The following GRID1 variants were observed in gnomAD, a reference collection of about 807,000 sequenced individuals.
GRID1 encodes the protein glutamate receptor ionotropic, delta-1.
In GRID1, 28 loss-of-function variants were observed where a neutral mutation model predicts 98.0. The ratio of observed to expected loss-of-function variants is 0.29; its 90% CI spans 0.21 to 0.39. GRID1 has a LOEUF of 0.39. GRID1 is among the 10% of genes least tolerant of loss of function. The pLI, the probability that GRID1 is intolerant of heterozygous loss-of-function variation, is 1.00. For missense variants in GRID1, 1,111 were observed against 1,340.5 expected (o/e 0.83, Z 2.67); for synonymous variants, 553 against 538.5 (o/e 1.03, Z -0.37).
chr10:85,883,138 C>T (rs937532198), intron 5 of GRID1, among the ~76,000 whole-genome samples: 5 of 151,832 alleles, frequency 3.3e-5, no homozygotes, highest in African/African-American at 4.8e-5. Flanking sequence ...TTCTCTAGGC[C>T]TCATTCTAAA....
chr10:85,893,858 C>T (rs988099873), intron 5 of GRID1, among the ~76,000 whole-genome samples: 3 of 152,150 alleles, frequency 2.0e-5, no homozygotes, highest in Admixed American at 6.5e-5. Flanking sequence ...TTCTAAAATG[C>T]GTATGGAAAT....
intron 8 of GRID1, among the ~76,000 whole-genome samples, chr10:85,829,126 T>TA (rs1177441143): frequency 6.6e-6 from 1 of 152,108 alleles, no homozygotes; most frequent in African/African-American, 2.4e-5. Flanking sequence ...GGGTAGGCTT[T>TA]ATCTCTGGGA....
rs577018401 is a variant in GRID1, at chr10:85,880,741, C to T, written c.781-11561G>A. The stretch of plus-strand genomic sequence containing the variant: ...ACAGGGATGCCCCCTCTCACCACTC[C>T]TATTCAACATAGTGTTGGAAGTTCT... On this transcript the variant is annotated intron_variant, in intron 5 of 15. Transcript: ENST00000327946. 6.1e-3 allele frequency among the ~76,000 whole-genome samples: 930 copies of T among 152,180 alleles called. 4 individuals are homozygous for T. Among genetic ancestry groups the T allele is most frequent in the Non-Finnish European group, 9.0e-3 (611 of 68,020 alleles).
intron 2 of GRID1, among the ~76,000 whole-genome samples, chr10:86,213,976 C>T (rs1261377044): frequency 2.0e-5 from 3 of 152,148 alleles, no homozygotes; most frequent in East Asian, 1.9e-4. Context: ...TTGAGCCTGT[C>T]GACTTTCCTC....
chr10:85,882,611 C>T (rs1023416671), intron 5 of GRID1, among the ~76,000 whole-genome samples: 7 of 151,950 alleles, frequency 4.6e-5, no homozygotes, highest in Admixed American at 2.0e-4. Flanking sequence ...ATCACACTCC[C>T]GGAACTGTTG....
At chr10:85,904,092 G>C (rs1050292771) in intron 5 of GRID1, among the ~76,000 whole-genome samples, 3 of 152,168 alleles carry the variant, frequency 2.0e-5, no homozygotes, top group Admixed American at 2.0e-4. Context: ...CTGGTCATCT[G>C]TCTTGCCCCA....
intron 2 of GRID1, among the ~76,000 whole-genome samples, chr10:86,253,413 C>T (rs1000194243): frequency 6.6e-6 from 1 of 152,234 alleles, no homozygotes; most frequent in Non-Finnish European, 1.5e-5. Context: ...TGAAATGTGC[C>T]TCCTGAATGT....
At chr10:85,837,604 C>G (rs970213773) in intron 8 of GRID1, among the ~76,000 whole-genome samples, 3 of 151,474 alleles carry the variant, frequency 2.0e-5, no homozygotes, top group African/African-American at 7.3e-5. Flanking sequence ...ATACTACAAT[C>G]AAGTCCTCAG....
intron 2 of GRID1, among the ~76,000 whole-genome samples, chr10:86,282,464 C>T (rs2132068835): frequency 6.6e-6 from 1 of 152,282 alleles, no homozygotes; most frequent in East Asian, 1.9e-4. Context: ...CCTGTCCTCA[C>T]AGGGGATCCG....
At chr10:85,704,316 A>C (rs900697810) in intron 12 of GRID1, among the ~76,000 whole-genome samples, 1 of 152,190 alleles carries the variant, frequency 6.6e-6, no homozygotes, top group Non-Finnish European at 1.5e-5. Context: ...AGGGGTTGCA[A>C]TCCTAGTCTC....
At chr10:85,795,888 T>C (rs945303090) in intron 8 of GRID1, among the ~76,000 whole-genome samples, 1 of 152,098 alleles carries the variant, frequency 6.6e-6, no homozygotes, top group Non-Finnish European at 1.5e-5. Context: ...GAAACTGTTA[T>C]GAAGAACTGA....
chr10:86,357,974 T>C (rs1479515042), intron 2 of GRID1, among the ~76,000 whole-genome samples: 4 of 152,144 alleles, frequency 2.6e-5, no homozygotes, highest in Non-Finnish European at 5.9e-5. Context: ...AACAACCTGC[T>C]CAGGCAGAAA....
intron 4 of GRID1, among the ~76,000 whole-genome samples, chr10:86,088,014 C>T (rs1382300883): frequency 6.6e-6 from 1 of 152,228 alleles, no homozygotes; most frequent in Non-Finnish European, 1.5e-5. Context: ...CCTCTGTCCT[C>T]GCCAACAACC....
At chr10:86,163,466 G>A (rs1365334707) in intron 3 of GRID1, among the ~76,000 whole-genome samples, 3 of 151,304 alleles carry the variant, frequency 2.0e-5, no homozygotes, top group African/African-American at 7.3e-5. Context: ...ACAATGTGCA[G>A]GTTTGCTACA....
intron 4 of GRID1, among the ~76,000 whole-genome samples, chr10:85,958,103 C>A (rs998142165): frequency 2.0e-5 from 3 of 152,238 alleles, no homozygotes; most frequent in Non-Finnish European, 4.4e-5. Flanking sequence ...CCTCTAGAAA[C>A]CCCTCTGACC....
chr10:85,671,460 G>A (rs1841084225), intron 12 of GRID1, among the ~76,000 whole-genome samples: 1 of 152,020 alleles, frequency 6.6e-6, no homozygotes, highest in South Asian at 2.1e-4. Context: ...TTCTTTGGGG[G>A]CCACAAACTG....
At chr10:85,655,310 G>A (rs1013597326) in intron 12 of GRID1, among the ~76,000 whole-genome samples, 6 of 152,162 alleles carry the variant, frequency 3.9e-5, no homozygotes, top group African/African-American at 9.7e-5. Flanking sequence ...CCAAGTCCCT[G>A]TGTGTTCTGG....
intron 3 of GRID1, among the ~76,000 whole-genome samples, chr10:86,140,112 G>A (rs919888146): frequency 3.3e-5 from 5 of 152,182 alleles, no homozygotes; most frequent in African/African-American, 1.2e-4. Context: ...TTTGCCTAAG[G>A]TGGGTCACGT....
At chr10:86,305,229 C>T (rs1847743059) in intron 2 of GRID1, among the ~76,000 whole-genome samples, 1 of 152,116 alleles carries the variant, frequency 6.6e-6, no homozygotes, top group Non-Finnish European at 1.5e-5. Flanking sequence ...AGATTTCGCA[C>T]TTTGCCAGAG....
Sources: allele counts gnomAD v4.1 joint callset (sites outside exome capture counted in the v4.1 genomes callset), GRCh38; gene constraint gnomAD v4.1.1; transcripts MANE v1.5; gene names NCBI Gene and HGNC (gene_info 2026-07-23, HGNC 2026-07-21).